IQGAP2: variants seen among roughly 807,000 people sequenced by gnomAD.
IQGAP2 encodes IQ motif containing GTPase activating protein 2.
A neutral mutation model predicts 201.3 loss-of-function variants in IQGAP2; 173 were observed. The ratio of observed to expected loss-of-function variants is 0.86; its 90% CI spans 0.76 to 0.98. The LOEUF (loss-of-function observed/expected upper bound fraction) is 0.98, where lower values mean the gene tolerates loss of function less well. Ranked by LOEUF, IQGAP2 falls within the 50% of genes least tolerant of loss-of-function variation. The probability of loss-of-function intolerance (pLI) is 0.00; values close to 1 mark genes in which losing one functional copy is unlikely to be tolerated. For synonymous variants in IQGAP2, 675 were observed against 673.9 expected (o/e 1.00, Z -0.03); for missense variants, 1,687 against 1,864.8 (o/e 0.90, Z 1.76).
rs930645843 is a variant in IQGAP2 at position 76,403,962 on chromosome 5, A to G, written c.46+371A>G. On this transcript the variant is annotated intron_variant, in intron 1 of 35. Transcript: ENST00000274364. The surrounding 1 kb of genome is among the most constrained non-coding windows in gnomAD (Gnocchi z 4.8). ...CTTGGGCCAGGGGGTGGCGTAAGGC[A>G]CCGGATTCTTCCAACCCAGAAGGGG... 2.0e-5 allele frequency among the ~76,000 whole-genome samples: 3 copies of G among 152,114 alleles called. No homozygotes were observed. The highest frequency in any genetic ancestry group is 4.4e-5 in the Non-Finnish European group (3 of 68,008).
chr5:76,693,513 G>T, intron 31 of IQGAP2, 71 bp downstream of exon 31: 1 of 997,556 alleles, frequency 1.0e-6, no homozygotes, highest in Admixed American at 2.0e-5. Context: ...TATGCCATAT[G>T]TTTATTATCT....
At chr5:76,656,906 AAT>A (rs1191718867) in intron 20 of IQGAP2, among the ~76,000 whole-genome samples, 2 of 139,798 alleles carry the variant, frequency 1.4e-5, no homozygotes, top group Non-Finnish European at 3.2e-5. Flanking sequence ...TAAAAAAAAA[AAT>A]AACTTTTCTA....
At chr5:76,480,128 A>C (rs953466263) in intron 2 of IQGAP2, among the ~76,000 whole-genome samples, 7 of 152,236 alleles carry the variant, frequency 4.6e-5, no homozygotes, top group South Asian at 2.1e-4. Context: ...AGGGAGTGTC[A>C]CCAGAGACTT....
intron 5 of IQGAP2, among the ~76,000 whole-genome samples, chr5:76,578,533 T>C (rs966335479): frequency 6.6e-6 from 1 of 152,146 alleles, no homozygotes; most frequent in Non-Finnish European, 1.5e-5. Flanking sequence ...AGGATGGTCT[T>C]GATCTCTTGA....
chr5:76,617,880 A>C, intron 13 of IQGAP2: 1 of 1,614,162 alleles, frequency 6.2e-7, no homozygotes, highest in Non-Finnish European at 8.5e-7. Flanking sequence ...GATGATAAGC[A>C]CAAATGGAAT....
At chr5:76,611,395 T>A (rs1471115792) in intron 13 of IQGAP2, among the ~76,000 whole-genome samples, 1 of 152,222 alleles carries the variant, frequency 6.6e-6, no homozygotes, top group Non-Finnish European at 1.5e-5. Context: ...GCTTTAATTC[T>A]TTGACTAAAA....
chr5:76,683,780 A>G lies in IQGAP2; in HGVS notation c.3768A>G (p.Glu1256=). 6.2e-7 allele frequency: 1 copy of G among 1,610,254 alleles called. No homozygotes were observed. Among genetic ancestry groups the G allele is most frequent in the South Asian group, 1.1e-5 (1 of 90,116 alleles). The change falls in exon 30 of 36, where the codon GAA becomes GAG. Residue 1256 remains glutamate, a synonymous_variant. Coordinates refer to ENST00000274364, the MANE Select transcript of IQGAP2 (RefSeq NM_006633.5). ...CACTAGGTTTTTTCCCTACAGGGGA[A>G]GGAGCAGTTGACCCCAATGACCCTA... is the stretch of plus-strand genomic sequence containing the variant. ...EVPTVESFLG[E]GAVDPNDPNK... is the part of the protein sequence containing the mutation.
chr5:76,457,772 ACTCT>A (rs971630194), intron 1 of IQGAP2, among the ~76,000 whole-genome samples: 1 of 152,210 alleles, frequency 6.6e-6, no homozygotes, highest in African/African-American at 2.4e-5. Context: ...ATTTCAAAAT[ACTCT>A]CTAACAACTT....
chr5:76,438,168 T>C (rs1015271556), intron 1 of IQGAP2, among the ~76,000 whole-genome samples: 3 of 152,192 alleles, frequency 2.0e-5, no homozygotes, highest in Non-Finnish European at 4.4e-5. Flanking sequence ...TTGGAATCAA[T>C]TCTTCTTTGA....
At chr5:76,623,878 C>A (rs986966098) in intron 13 of IQGAP2, among the ~76,000 whole-genome samples, 17 of 148,972 alleles carry the variant, frequency 1.1e-4, no homozygotes, top group African/African-American at 4.2e-4. Flanking sequence ...CTGGCCAGAA[C>A]CTGGCTTTTG....
chr5:76,704,140 T>C (rs1336080769), intron 35 of IQGAP2, among the ~76,000 whole-genome samples: 1 of 152,276 alleles, frequency 6.6e-6, no homozygotes, highest in African/African-American at 2.4e-5. Context: ...TAAATGTCAC[T>C]AAATGTATCC....
chr5:76,557,633 GT>G (rs1228319450), intron 2 of IQGAP2, among the ~76,000 whole-genome samples: 4 of 152,172 alleles, frequency 2.6e-5, no homozygotes, highest in African/African-American at 9.6e-5. Context: ...ATAACCATAT[GT>G]TAAGTACTTG....
intron 2 of IQGAP2, among the ~76,000 whole-genome samples, chr5:76,514,644 T>C (rs1332519687): frequency 2.0e-5 from 3 of 152,228 alleles, no homozygotes; most frequent in African/African-American, 7.2e-5. Flanking sequence ...TGAAATCTCG[T>C]TAGAAGCAGT....
chr5:76,658,374 G>GT, intron 20 of IQGAP2, 85 bp from the exon 21 acceptor site: 1 of 1,102,716 alleles, frequency 9.1e-7, no homozygotes, highest in Non-Finnish European at 1.4e-6. Flanking sequence ...TATTTTTCTA[G>GT]TAATTATTTA....
chr5:76,524,472 A>G (rs933603468), intron 2 of IQGAP2, among the ~76,000 whole-genome samples: 3 of 152,218 alleles, frequency 2.0e-5, no homozygotes, highest in Admixed American at 6.5e-5. Flanking sequence ...ATCCAGTGAT[A>G]TATAAGCAAA....
In IQGAP2 at chr5:76,654,954, A is replaced by G; in HGVS notation, c.2271A>G (p.Ile757Met). The G allele has an allele frequency of 6.2e-7, 1 of 1,612,340 alleles. No homozygotes were observed. Among genetic ancestry groups the G allele is most frequent in the East Asian group, 2.2e-5 (1 of 44,850 alleles). Reference protein sequence around the residue: ...FRDHNNEIVKIQSLLRANKAR... With the variant: ...FRDHNNEIVKMQSLLRANKAR... ...TGCAGAATAATGAAATTGTGAAAAT[A>G]CAGTCACTGTTGAGAGCGAACAAAG... is the stretch of plus-strand genomic sequence containing the variant. The change falls in exon 20 of 36, where the codon ATA (isoleucine) becomes ATG (methionine). Residue 757 changes from isoleucine (I) to methionine (M), a missense_variant. Transcript: ENST00000274364.
At chr5:76,511,103 T>C (rs555271328) in intron 2 of IQGAP2, among the ~76,000 whole-genome samples, 1 of 152,368 alleles carries the variant, frequency 6.6e-6, no homozygotes, top group African/African-American at 2.4e-5. Context: ...TTTTTGTCTT[T>C]ATATAACCCT....
intron 26 of IQGAP2, 114 bp downstream of exon 26, chr5:76,674,150 A>T: frequency 1.5e-6 from 1 of 670,860 alleles, no homozygotes. Context: ...AATAAGCTGC[A>T]GGTCTTCTGT....
rs1180236702 is a variant in IQGAP2, at chr5:76,414,066, G to T, written c.46+10475G>T. Among the ~76,000 whole-genome samples, 3 of 151,828 alleles carry T rather than the reference G, an allele frequency of 2.0e-5. No homozygotes were observed. The East Asian group carries it at 5.8e-4, about 29-fold the overall frequency. Reference sequence around the variant, plus strand: ...CTAACTGGAATGTTGAAGCCATTAGGAATCGAAAACCTGGGCCGCAACTCA... The same window carrying T: ...CTAACTGGAATGTTGAAGCCATTAGTAATCGAAAACCTGGGCCGCAACTCA... On this transcript the variant is annotated intron_variant, in intron 1 of 35. Transcript: ENST00000274364.
Sources: allele counts gnomAD v4.1 joint callset (sites outside exome capture counted in the v4.1 genomes callset), GRCh38; gene constraint gnomAD v4.1.1; non-coding constraint Gnocchi (gnomAD v3.1); transcripts MANE v1.5; gene names NCBI Gene and HGNC (gene_info 2026-07-23, HGNC 2026-07-21).